USP20: variants seen among roughly 807,000 people sequenced by gnomAD.
USP20 encodes ubiquitin carboxyl-terminal hydrolase 20.
A neutral mutation model predicts 124.2 loss-of-function variants in USP20; 80 were observed. That is an observed-to-expected ratio of 0.64 (90% CI 0.54 to 0.78). The LOEUF is 0.78. USP20 is among the 30% of genes least tolerant of loss of function. USP20 has a pLI of 0.00. For missense variants in USP20, 1,043 were observed against 1,244.4 expected (o/e 0.84, Z 2.44); for synonymous variants, 481 against 512.3 (o/e 0.94, Z 0.83).
intron 1 of USP20, among the ~76,000 whole-genome samples, chr9:129,838,099 T>A (rs1282713287): frequency 2.6e-5 from 4 of 151,442 alleles, no homozygotes; most frequent in Non-Finnish European, 5.9e-5. Flanking sequence ...TGGAGTGCAG[T>A]GGTGCGATCT....
At chr9:129,844,358 G>A (rs1404194368) in intron 1 of USP20, among the ~76,000 whole-genome samples, 1 of 152,062 alleles carries the variant, frequency 6.6e-6, no homozygotes, top group Admixed American at 6.6e-5. Context: ...GGGCATGGTG[G>A]CTCACGCCTG....
chr9:129,879,404 G>A lies in USP20; in HGVS notation c.2513-169G>A. ...GTGTGTCCTGGAAATTCCCTCTGCT[G>A]GGTCCTCAGACTGCCACAGAGGAGC... On this transcript the variant is annotated intron_variant, in intron 23 of 25. Transcript: ENST00000372429. This position sits in a 1 kb window ranked among gnomAD's most constrained non-coding sequence, Gnocchi z 4.2. 1 of 637,606 alleles carries A rather than the reference G, an allele frequency of 1.6e-6. No homozygotes were observed. Among genetic ancestry groups the A allele is most frequent in the Non-Finnish European group, 2.8e-6 (1 of 360,130 alleles). The allele number at this position is 637,606 out of a possible 1,614,324, so 39.5% of individuals were successfully genotyped here. A position where few individuals can be genotyped will look rare whatever the true frequency, so the allele number is the denominator to read the frequency against.
intron 1 of USP20, among the ~76,000 whole-genome samples, chr9:129,836,407 G>A (rs1229536581): frequency 2.0e-5 from 3 of 152,206 alleles, no homozygotes; most frequent in African/African-American, 7.2e-5. Context: ...CCGAGGGGCA[G>A]TGCACGCCTC....
In USP20 at chr9:129,880,007, C is replaced by T. The variant is rs549559081; in HGVS notation, c.2585-106C>T. On this transcript the variant is annotated intron_variant, in intron 24 of 25. Coordinates refer to ENST00000372429, the MANE Select transcript of USP20 (RefSeq NM_001110303.4). The stretch of plus-strand genomic sequence containing the variant: ...AGCTTTGCATAGAAGCCCTGGTTGC[C>T]GTCTTCCCGCTTCGGGGCCTGGCCC... 225 of 1,392,108 alleles carry T rather than the reference C, an allele frequency of 1.6e-4. 2 individuals are homozygous for T. In the South Asian group the frequency reaches 2.8e-3, roughly 18 times the overall value. 86.2% of individuals were successfully genotyped at this position (1,392,108 alleles called of 1,614,324 possible). A position where few individuals can be genotyped will look rare whatever the true frequency, so the allele number is the denominator to read the frequency against.
chr9:129,839,336 C>A lies in USP20; in HGVS notation c.-129+3837C>A, dbSNP rs1365830780. ...CCAGACTAAGATGTTAGTGTCAGTT[C>A]CAATATTCAGGGCCGTGGGGCAGGG... On this transcript the variant is annotated intron_variant, in intron 1 of 25. Coordinates refer to ENST00000372429, the MANE Select transcript of USP20 (RefSeq NM_001110303.4). This position sits in a 1 kb window ranked among gnomAD's most constrained non-coding sequence, Gnocchi z 4.5. 2.6e-5 allele frequency among the ~76,000 whole-genome samples: 4 copies of A among 152,106 alleles called. No homozygotes were observed. Among genetic ancestry groups the A allele is most frequent in the African/African-American group, 9.7e-5 (4 of 41,420 alleles).
intron 9 of USP20, among the ~76,000 whole-genome samples, chr9:129,864,115 A>AC (rs2033700582): frequency 2.6e-5 from 4 of 151,306 alleles, no homozygotes; most frequent in South Asian, 4.2e-4. Flanking sequence ...AAAAAAAAAA[A>AC]AACAAAAACA....
chr9:129,853,541 C>T (rs974173563), intron 3 of USP20, among the ~76,000 whole-genome samples: 3 of 152,192 alleles, frequency 2.0e-5, no homozygotes, highest in Non-Finnish European at 2.9e-5. Flanking sequence ...GAGTGGGATT[C>T]CTGGGCATAT....
In USP20 at chr9:129,861,692, G is replaced by A. The variant is rs376307053; in HGVS notation, c.497+80G>A. ...ACAGCAGCAGTAGCAGCCCCCAGCC[G>A]GTTGCCCACAAACACATGTATAGGA... On this transcript the variant is annotated intron_variant, in intron 8 of 25. Coordinates refer to ENST00000372429, the MANE Select transcript of USP20 (RefSeq NM_001110303.4). The A allele has an allele frequency of 1.3e-4, 176 of 1,394,728 alleles. No homozygotes were observed. The East Asian group carries it at 2.7e-3, about 21-fold the overall frequency. 86.4% of individuals were successfully genotyped at this position (1,394,728 alleles called of 1,614,324 possible). A position where few individuals can be genotyped will look rare whatever the true frequency, so the allele number is the denominator to read the frequency against.
At chr9:129,856,862 C>T (rs538029371) in intron 4 of USP20, among the ~76,000 whole-genome samples, 4 of 151,952 alleles carry the variant, frequency 2.6e-5, no homozygotes, top group East Asian at 3.9e-4. Context: ...AGACAGTGTC[C>T]GGGAGAAGCT....
Position 129,869,444 on chromosome 9 carries a change from G to C in USP20, c.1392+19G>C, listed in dbSNP as rs765162442. 7.5e-6 allele frequency: 12 copies of C among 1,610,224 alleles called. No individual in the cohort carries two copies. The highest frequency in any genetic ancestry group is 9.3e-6 in the Non-Finnish European group (11 of 1,177,138). ...TGACCGGGTGGGTGCCCCAGGGATG[G>C]GGGGAGCTGGGCCAGGCTGCCAGTG... is the stretch of plus-strand genomic sequence containing the variant. On this transcript the variant is annotated intron_variant, in intron 13 of 25. Transcript: ENST00000372429.
In USP20 at chr9:129,837,978, G is replaced by C. The variant is rs141528396; in HGVS notation, c.-129+2479G>C. Among the ~76,000 whole-genome samples, 13 of 152,162 alleles carry C rather than the reference G, an allele frequency of 8.5e-5. No homozygotes were observed. In the East Asian group the frequency reaches 2.3e-3, roughly 27 times the overall value. On this transcript the variant is annotated intron_variant, in intron 1 of 25. Coordinates refer to ENST00000372429, the MANE Select transcript of USP20 (RefSeq NM_001110303.4). The stretch of plus-strand genomic sequence containing the variant: ...GCCTTTTACCTTAGCAAGACAAACA[G>C]TATCCAACTGGTTCTCATTAGCATG...
chr9:129,873,540 T>C, intron 16 of USP20, 25 bp downstream of exon 16: 1 of 1,614,154 alleles, frequency 6.2e-7, no homozygotes, highest in Non-Finnish European at 8.5e-7. Context: ...CCCCGCCTTC[T>C]CCCTAACTGC....
chr9:129,856,424 G>A (rs2033222089), intron 4 of USP20, 64 bp downstream of exon 4: 28 of 1,534,566 alleles, frequency 1.8e-5, no homozygotes, highest in African/African-American at 2.7e-5. Flanking sequence ...GCACTGCACA[G>A]GCTGGTGCAG....
chr9:129,836,747 A>G lies in USP20; in HGVS notation c.-129+1248A>G, dbSNP rs1391423371. Among the ~76,000 whole-genome samples, 5 of 152,318 alleles carry G rather than the reference A, an allele frequency of 3.3e-5. No homozygotes were observed. In the South Asian group the frequency reaches 6.2e-4, roughly 19 times the overall value. On this transcript the variant is annotated intron_variant, in intron 1 of 25. Transcript: ENST00000372429. ...AGCGTTTTATCTTTGGTCAAAAGCCATATATTAAAGTCTCAAAGTCTTGCC... is the reference window on the plus strand; with the variant it reads ...AGCGTTTTATCTTTGGTCAAAAGCCGTATATTAAAGTCTCAAAGTCTTGCC...
At chr9:129,859,850 C>T (rs541109728) in intron 6 of USP20, among the ~76,000 whole-genome samples, 29 of 152,172 alleles carry the variant, frequency 1.9e-4, no homozygotes, top group African/African-American at 6.3e-4. Context: ...GCCTGGGCAA[C>T]AGCGTGAGAC....
intron 4 of USP20, among the ~76,000 whole-genome samples, chr9:129,857,399 TCA>T (rs1185910127): frequency 6.6e-6 from 1 of 152,214 alleles, no homozygotes; most frequent in Non-Finnish European, 1.5e-5. Context: ...GCCCTGCTGA[TCA>T]CAGGTGGCAG....
At chr9:129,874,439 C>A in intron 17 of USP20, 137 bp from the exon 18 acceptor site, 2 of 1,148,370 alleles carry the variant, frequency 1.7e-6, no homozygotes, top group Non-Finnish European at 2.5e-6. Context: ...CCAGTCTGGC[C>A]CCCACGTGGA....
rs184758896 is a variant in USP20, at chr9:129,880,035, C to T, written c.2585-78C>T. ...CTTCCCGCTTCGGGGCCTGGCCCTG[C>T]GGAGCCCCCACTGCCCAGGCCGGTG... On this transcript the variant is annotated intron_variant, in intron 24 of 25. Coordinates refer to ENST00000372429, the MANE Select transcript of USP20 (RefSeq NM_001110303.4). 38 of 1,541,858 alleles carry T rather than the reference C, an allele frequency of 2.5e-5. No homozygotes were observed. In the African/African-American group the frequency reaches 3.0e-4, roughly 12 times the overall value.
chr9:129,852,453 C>A, intron 2 of USP20, 87 bp from the exon 3 acceptor site: 2 of 1,229,792 alleles, frequency 1.6e-6, no homozygotes, highest in Non-Finnish European at 2.3e-6. Flanking sequence ...GGACTCAAGG[C>A]CAAAGTCATG....
Sources: gnomAD v4.1 joint callset for allele counts (sites outside exome capture counted in the v4.1 genomes callset) on GRCh38, gnomAD v4.1.1 for gene constraint, Gnocchi (gnomAD v3.1) non-coding constraint, MANE v1.5 for transcripts, NCBI Gene and HGNC (gene_info 2026-07-23, HGNC 2026-07-21) for gene names.